Variants in TESC observed in about 807,000 individuals in gnomAD.
The protein encoded by TESC is tescalcin, also known as calcineurin B homologous protein 3.
Under a neutral mutation model 31.0 loss-of-function variants are expected in TESC, and 19 were observed. The ratio of observed to expected loss-of-function variants is 0.61; its 90% confidence interval spans 0.43 to 0.90. TESC has a LOEUF of 0.90. TESC is among the 40% of genes least tolerant of loss of function. TESC has a pLI of 0.00. For missense variants in TESC, 248 were observed against 303.8 expected, an observed-to-expected ratio of 0.82 and a Z score of 1.36; for synonymous variants, 109 against 114.8, an observed-to-expected ratio of 0.95 and a Z score of 0.32.
chr12:117,084,093 C>CAAAAAAA (rs61594047), intron 1 of TESC: 1 of 103,382 alleles, frequency 9.7e-6, no homozygotes, highest in African/African-American at 3.4e-5. Context: ...GACTCCATCT[C>CAAAAAAA]AAAAAAAAAA....
intron 1 of TESC, among the ~76,000 whole-genome samples, chr12:117,085,688 A>C (rs1371756062): frequency 1.3e-5 from 2 of 152,054 alleles, no homozygotes; most frequent in African/African-American, 4.8e-5. Flanking sequence ...CGGAATACAG[A>C]GGTGAGCCAG....
At chr12:117,071,329 A>T (rs1056854530) in intron 2 of TESC, among the ~76,000 whole-genome samples, 3 of 152,214 alleles carry the variant, frequency 2.0e-5, no homozygotes, top group Non-Finnish European at 4.4e-5. Flanking sequence ...AAAGGCAATC[A>T]GTTCCTGCCC....
At chr12:117,087,256 C>T (rs1955229533) in intron 1 of TESC, among the ~76,000 whole-genome samples, 1 of 152,216 alleles carries the variant, frequency 6.6e-6, no homozygotes, top group African/African-American at 2.4e-5. Flanking sequence ...TTCTGTCCTT[C>T]AGAGCAGCAG....
At chr12:117,057,142 C>T (rs1954737940) in intron 2 of TESC, among the ~76,000 whole-genome samples, 1 of 152,190 alleles carries the variant, frequency 6.6e-6, no homozygotes, top group African/African-American at 2.4e-5. Context: ...CACTGTCACC[C>T]AGGCTGGAGT....
intron 3 of TESC, among the ~76,000 whole-genome samples, chr12:117,055,914 T>C (rs1300546838): frequency 7.7e-6 from 1 of 130,376 alleles, no homozygotes; most frequent in Non-Finnish European, 1.6e-5. Context: ...TCCTTTTCCT[T>C]TTTTTTTTTT....
At chr12:117,074,606 C>T (rs930948994) in intron 2 of TESC, among the ~76,000 whole-genome samples, 1 of 152,090 alleles carries the variant, frequency 6.6e-6, no homozygotes, top group African/African-American at 2.4e-5. Context: ...GCCCCTAAGT[C>T]GGGCTGCACC....
intron 2 of TESC, 50 bp downstream of exon 2, chr12:117,075,221 T>C: frequency 6.4e-7 from 1 of 1,572,942 alleles, no homozygotes; most frequent in Non-Finnish European, 8.7e-7. Context: ...GGACAAGAAA[T>C]TTGCAAGGGC....
chr12:117,091,294 GCC>G (rs1196549819), intron 1 of TESC, among the ~76,000 whole-genome samples: 1 of 152,190 alleles, frequency 6.6e-6, no homozygotes, highest in Non-Finnish European at 1.5e-5. Context: ...AGAACTGTGA[GCC>G]CTTCTGAGCT....
chr12:117,061,231 C>T (rs559436939), intron 2 of TESC, among the ~76,000 whole-genome samples: 24 of 152,292 alleles, frequency 1.6e-4, no homozygotes, highest in African/African-American at 5.3e-4. Context: ...CACAGCACCC[C>T]GTCCTCAGTG....
chr12:117,081,601 T>A (rs896961568), intron 1 of TESC, among the ~76,000 whole-genome samples: 1 of 152,094 alleles, frequency 6.6e-6, no homozygotes, highest in African/African-American at 2.4e-5. Context: ...GTTGCCTGTT[T>A]AGAACAGTAA....
intron 3 of TESC, among the ~76,000 whole-genome samples, chr12:117,052,819 T>C (rs1954666756): frequency 1.3e-5 from 2 of 148,554 alleles, no homozygotes; most frequent in Non-Finnish European, 3.0e-5. Flanking sequence ...TTTTCTCTCC[T>C]GGCCTCTGCA....
intron 3 of TESC, among the ~76,000 whole-genome samples, chr12:117,051,541 T>C (rs1954647918): frequency 6.6e-6 from 1 of 152,180 alleles, no homozygotes; most frequent in South Asian, 2.1e-4. Flanking sequence ...AAGTTCTCAC[T>C]GTGGGCGGCA....
At chr12:117,098,625 G>C (rs1593033239) in intron 1 of TESC, 1 of 152,414 alleles carries the variant, frequency 6.6e-6, no homozygotes, top group East Asian at 1.9e-4. Flanking sequence ...CGAACTCAGG[G>C]GAGGACGCTG....
chr12:117,051,876 C>T (rs1462352734), intron 3 of TESC, among the ~76,000 whole-genome samples: 1 of 152,166 alleles, frequency 6.6e-6, no homozygotes. Flanking sequence ...CCAAAGAAAC[C>T]CAGACAGAGC....
chr12:117,045,234 TG>T (rs774343895), intron 6 of TESC, among the ~76,000 whole-genome samples: 21 of 152,182 alleles, frequency 1.4e-4, no homozygotes, highest in Non-Finnish European at 2.5e-4. Flanking sequence ...CCCCACCTCA[TG>T]GGGGCCCGTA....
intron 3 of TESC, among the ~76,000 whole-genome samples, chr12:117,052,396 G>A (rs1442157754): frequency 1.3e-5 from 2 of 152,198 alleles, no homozygotes; most frequent in African/African-American, 4.8e-5. Flanking sequence ...AGCATTTACA[G>A]GATGTGATGT....
chr12:117,046,578 C>A lies in TESC; in HGVS notation c.500G>T (p.Ser167Ile). 1 of 1,550,896 alleles carries A rather than the reference C, an allele frequency of 6.4e-7. No homozygotes were observed. The highest frequency in any genetic ancestry group is 1.4e-5 in the African/African-American group (1 of 73,172). Residue 167 changes from serine (S) to isoleucine (I), a missense_variant, in exon 6 of 8, where the codon AGC becomes ATC. By Grantham distance (142) the Ser-to-Ile change is moderately radical. Transcript: ENST00000335209. Reference protein sequence around the residue: ...IADGAMMEAASVCMGQMEPDQ... With the variant: ...IADGAMMEAAIVCMGQMEPDQ... ...GCTCACCATCTGCCCCATGCACACG[C>A]TGGCCGCCTCCATCATGGCCCCGTC...
intron 1 of TESC, among the ~76,000 whole-genome samples, chr12:117,077,304 G>C (rs1017602264): frequency 1.3e-5 from 2 of 152,174 alleles, no homozygotes; most frequent in Non-Finnish European, 2.9e-5. Flanking sequence ...CACTTGGAAC[G>C]GTTAGGTGAA....
At chr12:117,046,890 C>A (rs1326456148) in intron 4 of TESC, 52 bp from the exon 5 acceptor site, 2 of 1,529,026 alleles carry the variant, frequency 1.3e-6, no homozygotes, top group Non-Finnish European at 1.8e-6. Context: ...CTGGCCCCTG[C>A]CACCCCCTGA....
Sources: allele counts gnomAD v4.1 joint callset (sites outside exome capture counted in the v4.1 genomes callset), GRCh38; gene constraint gnomAD v4.1.1; transcripts MANE v1.5; gene names NCBI Gene and HGNC (gene_info 2026-07-23, HGNC 2026-07-21).